Variants in ADRA1A observed in about 807,000 individuals in gnomAD.
ADRA1A encodes the protein alpha-1A adrenergic receptor.
In ADRA1A, 31 loss-of-function variants were observed where a neutral mutation model predicts 29.6. The ratio of observed to expected loss-of-function variants is 1.05; its 90% CI spans 0.79 to 1.41. The LOEUF is 1.41. Among genes scored for constraint, ADRA1A ranks in the 40% most tolerant of loss-of-function variants. The probability of loss-of-function intolerance (pLI) is 0.00; values close to 1 mark genes in which losing one functional copy is unlikely to be tolerated. For missense variants in ADRA1A, 619 were observed against 601.1 expected (o/e 1.03, Z -0.31); for synonymous variants, 311 against 254.3 (o/e 1.22, Z -2.12).
downstream of ADRA1A, among the ~76,000 whole-genome samples, chr8:26,761,473 T>G (rs1805498496): frequency 6.6e-6 from 1 of 152,136 alleles, no homozygotes; most frequent in South Asian, 2.1e-4. Context: ...AATAAGGTGA[T>G]GAGGGTGGAC....
Position 26,865,646 on chromosome 8 carries a change from C to A in ADRA1A, c.-677G>T, listed in dbSNP as rs1401184677. 2.0e-6 allele frequency: 2 copies of A among 986,134 alleles called. No individual in the cohort carries two copies. The highest frequency in any genetic ancestry group is 2.4e-6 in the Non-Finnish European group (2 of 830,580). 61.1% of individuals were successfully genotyped at this position (986,134 alleles called of 1,614,324 possible). A position where few individuals can be genotyped will look rare whatever the true frequency, so the allele number is the denominator to read the frequency against. On this transcript the variant is annotated 5_prime_UTR_variant, in exon 2 of 3. Coordinates refer to ENST00000380573, the MANE Select transcript of ADRA1A (RefSeq NM_000680.4). The surrounding 1 kb of genome is among the most constrained non-coding windows in gnomAD (Gnocchi z 7.6). Reference sequence around the variant, plus strand: ...CAGGAGGCTGCGGGGCATCGTTTGACCGCGTCCACCTGAAAGAGCGCAAAG... The same window carrying A: ...CAGGAGGCTGCGGGGCATCGTTTGAACGCGTCCACCTGAAAGAGCGCAAAG...
intron 2 of ADRA1A, among the ~76,000 whole-genome samples, chr8:26,832,363 T>A (rs920385645): frequency 6.6e-6 from 1 of 152,046 alleles, no homozygotes; most frequent in African/African-American, 2.4e-5. Flanking sequence ...TAAAAGCATC[T>A]AGGTATAAAG....
Position 26,865,091 on chromosome 8 carries a change from G to A in ADRA1A, c.-122C>T. ...GGCTGGAGGGAGCCCTGCCAGGTGGGTTTGGCTGGGGGTGAGAGCGCGCGC... is the reference window on the plus strand; with the variant it reads ...GGCTGGAGGGAGCCCTGCCAGGTGGATTTGGCTGGGGGTGAGAGCGCGCGC... On this transcript the variant is annotated 5_prime_UTR_variant, in exon 2 of 3. Coordinates refer to ENST00000380573, the MANE Select transcript of ADRA1A (RefSeq NM_000680.4). This position sits in a 1 kb window ranked among gnomAD's most constrained non-coding sequence, Gnocchi z 7.6. 6.7e-7 allele frequency: 1 copy of A among 1,499,464 alleles called. No homozygotes were observed. 92.9% of individuals were successfully genotyped at this position (1,499,464 alleles called of 1,614,324 possible).
intron 2 of ADRA1A, chr8:26,779,559 C>T (rs193261591): frequency 2.5e-4 from 142 of 573,722 alleles, no homozygotes; most frequent in South Asian, 2.4e-4. Flanking sequence ...GATGAAGGAA[C>T]GTGGTGGAGA....
Position 26,848,140 on chromosome 8 carries a change from C to T in ADRA1A, c.883+15947G>A, listed in dbSNP as rs543537066. ...TGTTACAGGGAAGGCAGCCAGGCAG[C>T]TCCTGCAAGATGTCACTAATCCCTT... is the stretch of plus-strand genomic sequence containing the variant. On this transcript the variant is annotated intron_variant, in intron 2 of 2. Transcript: ENST00000380573. This position sits in a 1 kb window ranked among gnomAD's most constrained non-coding sequence, Gnocchi z 4.3. Among the ~76,000 whole-genome samples the T allele has an allele frequency of 6.6e-6, 1 of 152,348 alleles. No individual in the cohort carries two copies. Among genetic ancestry groups the T allele is most frequent in the African/African-American group, 2.4e-5 (1 of 41,580 alleles).
At chr8:26,785,032 A>G (rs761308961) in intron 2 of ADRA1A, among the ~76,000 whole-genome samples, 1 of 152,204 alleles carries the variant, frequency 6.6e-6, no homozygotes, top group Non-Finnish European at 1.5e-5. Flanking sequence ...GAAATTTTAC[A>G]ACTTATTGAG....
At chr8:26,843,477 A>G (rs1279781717) in intron 2 of ADRA1A, among the ~76,000 whole-genome samples, 1 of 152,164 alleles carries the variant, frequency 6.6e-6, no homozygotes, top group African/African-American at 2.4e-5. Context: ...TCAGGGTTGG[A>G]GTAGAGAGTG....
chr8:26,774,731 C>A lies in ADRA1A; in HGVS notation c.884-4065G>T, dbSNP rs187577334. Among the ~76,000 whole-genome samples the A allele has an allele frequency of 2.8e-3, 422 of 151,866 alleles. 8 individuals carry two copies. Among genetic ancestry groups the A allele is most frequent in the Admixed American group, 0.023 (352 of 15,256 alleles). On this transcript the variant is annotated intron_variant, in intron 2 of 2. Coordinates refer to ENST00000380573, the MANE Select transcript of ADRA1A (RefSeq NM_000680.4). ...TCCTTATTGACATTATTCCCATCCA[C>A]GTATTTCTTCCTTTATTTTTCCTCT...
At chr8:26,857,085 G>A (rs1813103459) in intron 2 of ADRA1A, among the ~76,000 whole-genome samples, 1 of 152,170 alleles carries the variant, frequency 6.6e-6, no homozygotes, top group Admixed American at 6.5e-5. Context: ...TGTGACTGCA[G>A]AATGAAACAG....
At position 26,748,540 on chromosome 8, in the gene ADRA1A, A is replaced by T. The variant is rs373833046; in HGVS notation, c.*50T>A. On this transcript the variant is annotated 3_prime_UTR_variant, in exon 3 of 3. Transcript: ENST00000380586. The stretch of plus-strand genomic sequence containing the variant: ...CAGATCATGAGGTCAAGAGATCGAG[A>T]TCATCCTGGCCAACATGGTGAAACC... 1.7e-4 allele frequency: 57 copies of T among 343,416 alleles called. 1 individual carries two copies. The East Asian group carries it at 2.9e-3, about 17-fold the overall frequency. 21.3% of individuals were successfully genotyped at this position (343,416 alleles called of 1,614,324 possible).
Position 26,866,771 on chromosome 8 carries a change from G to T in ADRA1A, c.-687+165C>A, listed in dbSNP as rs1477712453. The stretch of plus-strand genomic sequence containing the variant: ...CACTTGTTCAGTAGAAGGCAACTTC[G>T]CAGAAGATGTAAGGGAATCGGGGGT... On this transcript the variant is annotated intron_variant, in intron 1 of 2. Transcript: ENST00000380573. The surrounding 1 kb of genome is among the most constrained non-coding windows in gnomAD (Gnocchi z 5.7). Among the ~76,000 whole-genome samples, 3 of 152,164 alleles carry T rather than the reference G, an allele frequency of 2.0e-5. No individual in the cohort carries two copies. The highest frequency in any genetic ancestry group is 2.9e-5 in the Non-Finnish European group (2 of 68,042).
At chr8:26,748,608 G>A (rs192467915) in exon 3 of ADRA1A, 54 of 421,348 alleles carry the variant, frequency 1.3e-4, no homozygotes, top group Admixed American at 4.0e-4. Context: ...GCCTGGTGGC[G>A]TCGGCCTGGT....
At chr8:26,859,699 T>C (rs1489963262) in intron 2 of ADRA1A, among the ~76,000 whole-genome samples, 1 of 152,076 alleles carries the variant, frequency 6.6e-6, no homozygotes, top group Admixed American at 6.6e-5. Flanking sequence ...CAGGGATCCT[T>C]TGCACTACTG....
rs544281874 is a variant in ADRA1A, at chr8:26,825,665, T to C, written c.883+38422A>G. ...TCAGCCTTCACAGAGCAACTGTCAT[T>C]CTTTAGGAAAAATCAAAATTTAGCT... On this transcript the variant is annotated intron_variant, in intron 2 of 2. Coordinates refer to ENST00000380573, the MANE Select transcript of ADRA1A (RefSeq NM_000680.4). This position sits in a 1 kb window ranked among gnomAD's most constrained non-coding sequence, Gnocchi z 5.7. 1.6e-4 allele frequency among the ~76,000 whole-genome samples: 24 copies of C among 152,318 alleles called. No individual in the cohort carries two copies. The highest frequency in any genetic ancestry group is 5.8e-4 in the African/African-American group (24 of 41,572).
rs142838577 is a variant in ADRA1A, at chr8:26,802,915, G to A, written c.884-32249C>T. Among the ~76,000 whole-genome samples, 51 of 152,198 alleles carry A rather than the reference G, an allele frequency of 3.4e-4. 1 individual carries two copies. Among genetic ancestry groups the A allele is most frequent in the African/African-American group, 1.2e-3 (48 of 41,534 alleles). On this transcript the variant is annotated intron_variant, in intron 2 of 2. Transcript: ENST00000380573. ...CCATAAGAAAGAATGAGGTTCTGTC[G>A]TTTGCAACAACATGGATGGAACTGG...
At position 26,811,476 on chromosome 8, in the gene ADRA1A, G is replaced by A. The variant is rs1026135865; in HGVS notation, c.884-40810C>T. On this transcript the variant is annotated intron_variant, in intron 2 of 2. Transcript: ENST00000380573. The stretch of plus-strand genomic sequence containing the variant: ...CAAAGTGCTGGGATTACAGGCGTGA[G>A]CCACCGCGTCTGGCCCTCACTGTCT... Among the ~76,000 whole-genome samples the A allele has an allele frequency of 5.3e-5, 8 of 152,118 alleles. No individual in the cohort carries two copies. The South Asian group carries it at 1.0e-3, about 20-fold the overall frequency.
rs748982353 is a variant in ADRA1A at position 26,864,629 on chromosome 8, A to G, written c.341T>C (p.Ile114Thr). ...AVDVLCCTAS[I>T]MGLCIISIDR... ...GATGGAGATGATGCAGAGGCCCATG[A>G]TGGACGCGGTGCAGCACAGCACATC... is the stretch of plus-strand genomic sequence containing the variant. Residue 114 changes from isoleucine (I) to threonine (T), a missense_variant, in exon 2 of 3, where the codon ATC (isoleucine) becomes ACC (threonine). Physicochemically the swap from Ile to Thr is moderately conservative, Grantham distance 89 (BLOSUM62 -1). Transcript: ENST00000380573. The surrounding 1 kb of genome is among the most constrained non-coding windows in gnomAD (Gnocchi z 8.1). 1.9e-6 allele frequency: 3 copies of G among 1,614,118 alleles called. No individual in the cohort carries two copies. The highest frequency in any genetic ancestry group is 2.5e-6 in the Non-Finnish European group (3 of 1,180,038).
Position 26,864,897 on chromosome 8 carries a change from T to C in ADRA1A, c.73A>G (p.Lys25Glu). Reference protein sequence around the residue: ...TQPPAPVNISKAILLGVILGG... With the variant: ...TQPPAPVNISEAILLGVILGG... ...AAGATCACCCCGAGCAGAATGGCCT[T>C]GGAAATGTTCACCGGTGCCGGCGGT... Residue 25 changes from lysine (K) to glutamate (E), a missense_variant, in exon 2 of 3, where the codon AAG becomes GAG. Coordinates refer to ENST00000380573, the MANE Select transcript of ADRA1A (RefSeq NM_000680.4). This position sits in a 1 kb window ranked among gnomAD's most constrained non-coding sequence, Gnocchi z 8.1. 1 of 1,613,818 alleles carries C rather than the reference T, an allele frequency of 6.2e-7. No homozygotes were observed. The highest frequency in any genetic ancestry group is 8.5e-7 in the Non-Finnish European group (1 of 1,179,972).
chr8:26,777,754 AGCATGGGAGCATG>A (rs1381697812), intron 2 of ADRA1A, among the ~76,000 whole-genome samples: 2 of 152,218 alleles, frequency 1.3e-5, no homozygotes, highest in Non-Finnish European at 2.9e-5. Flanking sequence ...CATGGGGCAA[AGCATGGGAGCATG>A]GCATGGGAGG....
Sources: allele counts gnomAD v4.1 joint callset (sites outside exome capture counted in the v4.1 genomes callset), GRCh38; gene constraint gnomAD v4.1.1; non-coding constraint Gnocchi (gnomAD v3.1); transcripts MANE v1.5; gene names NCBI Gene and HGNC (gene_info 2026-07-23, HGNC 2026-07-21).